The following MARCHF8 variants were observed in gnomAD, a reference collection of about 807,000 sequenced individuals.
The protein encoded by MARCHF8 is membrane associated ring-CH-type finger 8, also known as E3 ubiquitin-protein ligase MARCHF8.
MARCHF8 carries 40 observed loss-of-function variants against 51.6 expected under a neutral mutation model. The ratio of observed to expected loss-of-function variants is 0.77; its 90% confidence interval spans 0.60 to 1.01. The LOEUF (loss-of-function observed/expected upper bound fraction) is 1.01, where lower values mean the gene tolerates loss of function less well. MARCHF8 is among the 50% of genes least tolerant of loss of function. The pLI is 0.00. For missense variants in MARCHF8, 685 were observed against 708.6 expected (o/e 0.97, Z 0.38); for synonymous variants, 263 against 280.3 (o/e 0.94, Z 0.62).
At chr10:45,459,569 T>C (rs1278186966) in intron 6 of MARCHF8, among the ~76,000 whole-genome samples, 1 of 152,204 alleles carries the variant, frequency 6.6e-6, no homozygotes, top group Non-Finnish European at 1.5e-5. Flanking sequence ...AATTCTATGA[T>C]TTCAGTCCTA....
chr10:45,565,903 A>G (rs778888142), intron 1 of MARCHF8, among the ~76,000 whole-genome samples: 15 of 152,160 alleles, frequency 9.9e-5, no homozygotes, highest in Non-Finnish European at 2.1e-4. Flanking sequence ...TTTAATATCT[A>G]TTGTTAATTT....
intron 6 of MARCHF8, among the ~76,000 whole-genome samples, chr10:45,460,257 A>C (rs777256513): frequency 6.6e-6 from 1 of 152,146 alleles, no homozygotes; most frequent in Non-Finnish European, 1.5e-5. Flanking sequence ...ACACCCTGTC[A>C]ATGTTCACCT....
chr10:45,510,946 TCAGCACCACACA>T (rs1303533597), intron 2 of MARCHF8, among the ~76,000 whole-genome samples: 2 of 152,206 alleles, frequency 1.3e-5, no homozygotes, highest in African/African-American at 4.8e-5. Context: ...TTAGCGCTGC[TCAGCACCACACA>T]CTGCAGCTGA....
At chr10:45,509,986 G>C (rs2043465788) in intron 2 of MARCHF8, among the ~76,000 whole-genome samples, 1 of 146,972 alleles carries the variant, frequency 6.8e-6, no homozygotes, top group African/African-American at 2.6e-5. Context: ...CTGTAATCTG[G>C]GGAAAGAAGA....
At chr10:45,567,990 A>G (rs1264906297) in intron 1 of MARCHF8, among the ~76,000 whole-genome samples, 1 of 151,878 alleles carries the variant, frequency 6.6e-6, no homozygotes, top group Non-Finnish European at 1.5e-5. Flanking sequence ...CATTATAGAG[A>G]CCTTTCATTT....
At chr10:45,471,575 C>T (rs1252558381) in intron 3 of MARCHF8, among the ~76,000 whole-genome samples, 4 of 152,132 alleles carry the variant, frequency 2.6e-5, no homozygotes, top group Admixed American at 6.5e-5. Flanking sequence ...TTGAACTTTT[C>T]AAATATAGTC....
At chr10:45,475,304 A>T (rs539934155) in intron 3 of MARCHF8, among the ~76,000 whole-genome samples, 1 of 152,340 alleles carries the variant, frequency 6.6e-6, no homozygotes, top group African/African-American at 2.4e-5. Flanking sequence ...CCCCAGTAGT[A>T]GGGCTGCAGT....
intron 1 of MARCHF8, among the ~76,000 whole-genome samples, chr10:45,565,259 C>A (rs1258805543): frequency 6.6e-6 from 1 of 151,784 alleles, no homozygotes; most frequent in African/African-American, 2.4e-5. Context: ...GGTGAAATCC[C>A]AACTCTACAA....
At chr10:45,496,225 T>C (rs1275158104) in intron 2 of MARCHF8, among the ~76,000 whole-genome samples, 1 of 152,194 alleles carries the variant, frequency 6.6e-6, no homozygotes, top group Admixed American at 6.5e-5. Flanking sequence ...CAAAAGTAAC[T>C]GTGTAACTAT....
intron 1 of MARCHF8, among the ~76,000 whole-genome samples, chr10:45,573,908 A>G (rs1833254840): frequency 6.6e-6 from 1 of 152,120 alleles, no homozygotes; most frequent in African/African-American, 2.4e-5. Context: ...AACTTGGACA[A>G]TACTCTTTTA....
chr10:45,461,423 G>A lies in MARCHF8; in HGVS notation c.1089-12C>T, dbSNP rs1475405272. On this transcript the variant is annotated splice_polypyrimidine_tract_variant and intron_variant, in intron 5 of 7. Coordinates refer to ENST00000453424, the MANE Select transcript of MARCHF8 (RefSeq NM_001282866.2). ...CACAGTGGCAGATCCTATGGTGGAA[G>A]GAAAACCTGTCATTCCAAGGACAGT... 1 of 1,529,462 alleles carries A rather than the reference G, an allele frequency of 6.5e-7. No individual in the cohort carries two copies. Among genetic ancestry groups the A allele is most frequent in the Admixed American group, 2.1e-5 (1 of 46,934 alleles). The allele number at this position is 1,529,462 out of a possible 1,614,324, so 94.7% of individuals were successfully genotyped here.
chr10:45,470,866 C>T (rs1039951606), intron 3 of MARCHF8, among the ~76,000 whole-genome samples: 1 of 152,216 alleles, frequency 6.6e-6, no homozygotes, highest in Non-Finnish European at 1.5e-5. Context: ...ACAGAAGTTA[C>T]TCTGTCAAAC....
At chr10:45,555,799 T>G (rs2044246475) in intron 1 of MARCHF8, among the ~76,000 whole-genome samples, 2 of 151,936 alleles carry the variant, frequency 1.3e-5, no homozygotes, top group African/African-American at 4.8e-5. Flanking sequence ...TAATGATACT[T>G]TTTAAATAAA....
At chr10:45,552,814 A>G (rs2044210241) in intron 1 of MARCHF8, among the ~76,000 whole-genome samples, 1 of 152,234 alleles carries the variant, frequency 6.6e-6, no homozygotes, top group Admixed American at 6.5e-5. Context: ...AATTGTGCAC[A>G]TTATCAAAAA....
intron 5 of MARCHF8, 112 bp downstream of exon 5, chr10:45,463,039 A>G: frequency 7.3e-7 from 1 of 1,362,094 alleles, no homozygotes; most frequent in Non-Finnish European, 9.8e-7. Flanking sequence ...TCAACCCACA[A>G]CTGGTTACAA....
At chr10:45,594,437 G>C (rs774349200) in exon 1 of MARCHF8, 2 of 152,312 alleles carry the variant, frequency 1.3e-5, no homozygotes, top group African/African-American at 4.8e-5. Flanking sequence ...CCGGCCTAGA[G>C]CCCTGGGCGC....
At chr10:45,466,479 C>T (rs921597429) in intron 3 of MARCHF8, among the ~76,000 whole-genome samples, 6 of 152,158 alleles carry the variant, frequency 3.9e-5, no homozygotes, top group Admixed American at 3.9e-4. Flanking sequence ...CACATGCTTG[C>T]CCCTCATTGC....
At chr10:45,547,072 C>T (rs1038656793) in intron 1 of MARCHF8, among the ~76,000 whole-genome samples, 1 of 151,936 alleles carries the variant, frequency 6.6e-6, no homozygotes, top group African/African-American at 2.4e-5. Context: ...CAAAAAAATT[C>T]AGATCATTAC....
chr10:45,461,359 A>G lies in MARCHF8; in HGVS notation c.1141T>C (p.Cys381Arg). Residue 381 changes from cysteine to arginine, a missense_variant, in exon 6 of 8, where the codon TGC (cysteine) becomes CGC (arginine). Coordinates refer to ENST00000453424, the MANE Select transcript of MARCHF8 (RefSeq NM_001282866.2). The part of the protein sequence containing the change: ...DESPLITPCH[C>R]TGSLHFVHQA... ...TGCACGAAGTGGAGGCTTCCTGTGC[A>G]GTGGCAGGGGGTGATCAGGGGGCTC... is the stretch of plus-strand genomic sequence containing the variant. 1 of 1,605,376 alleles carries G rather than the reference A, an allele frequency of 6.2e-7. No individual in the cohort carries two copies. The highest frequency in any genetic ancestry group is 8.5e-7 in the Non-Finnish European group (1 of 1,176,386).
Sources: gnomAD v4.1 joint callset for allele counts (sites outside exome capture counted in the v4.1 genomes callset) on GRCh38, gnomAD v4.1.1 for gene constraint, MANE v1.5 for transcripts, NCBI Gene and HGNC (gene_info 2026-07-23, HGNC 2026-07-21) for gene names.